The following SPATS2L variants were observed in gnomAD, a reference collection of about 807,000 sequenced individuals.
SPATS2L encodes the protein SPATS2-like protein.
SPATS2L carries 30 observed loss-of-function variants against 59.6 expected under a neutral mutation model. The ratio of observed to expected loss-of-function variants is 0.50; its 90% CI spans 0.38 to 0.68. The LOEUF is 0.68. Ranked by LOEUF, SPATS2L falls within the 30% of genes least tolerant of loss-of-function variation. The pLI is 0.00. For synonymous variants in SPATS2L, 252 were observed against 263.5 expected (o/e 0.96, Z 0.42); for missense variants, 615 against 700.0 (o/e 0.88, Z 1.37).
At chr2:200,328,958 A>G (rs2079845854) in intron 1 of SPATS2L, among the ~76,000 whole-genome samples, 1 of 152,198 alleles carries the variant, frequency 6.6e-6, no homozygotes, top group Non-Finnish European at 1.5e-5. Context: ...ATTGCCAGCT[A>G]CATTTTCATG....
At chr2:200,396,047 T>A (rs1333181157) in intron 3 of SPATS2L, among the ~76,000 whole-genome samples, 83 of 69,792 alleles carry the variant, frequency 1.2e-3, no homozygotes, top group Non-Finnish European at 1.4e-3. Context: ...TATATATATA[T>A]ATATATATAT....
At chr2:200,354,790 A>AT (rs1372906416) in intron 2 of SPATS2L, among the ~76,000 whole-genome samples, 2 of 152,158 alleles carry the variant, frequency 1.3e-5, no homozygotes, top group African/African-American at 4.8e-5. Context: ...CTGTAGATGT[A>AT]TTTTAAAAGC....
At chr2:200,419,923 A>T (rs1188672247) in intron 6 of SPATS2L, among the ~76,000 whole-genome samples, 2 of 152,160 alleles carry the variant, frequency 1.3e-5, no homozygotes, top group African/African-American at 4.8e-5. Context: ...GAAATATTCT[A>T]TATAGACACA....
At chr2:200,336,150 A>G (rs1655812172) in intron 2 of SPATS2L, among the ~76,000 whole-genome samples, 1 of 152,246 alleles carries the variant, frequency 6.6e-6, no homozygotes, top group African/African-American at 2.4e-5. Flanking sequence ...AAAGCTTTGC[A>G]TGAACTTTTT....
chr2:200,332,714 A>T (rs1432638698), intron 2 of SPATS2L, among the ~76,000 whole-genome samples: 1 of 150,968 alleles, frequency 6.6e-6, no homozygotes, highest in Admixed American at 6.7e-5. Flanking sequence ...TGCCCAAAGA[A>T]TGAATTACTG....
rs77733798 is a variant in SPATS2L, at chr2:200,411,798, A to G, written c.40-513A>G. ...CTAAGATTACCATTTCAAAAATACA[A>G]TGCTCCACATTTTTGTATCTTTAAA... is the stretch of plus-strand genomic sequence containing the variant. On this transcript the variant is annotated intron_variant, in intron 3 of 12. Coordinates refer to ENST00000409140, the MANE Select transcript of SPATS2L (RefSeq NM_001100423.2). Among the ~76,000 whole-genome samples the G allele has an allele frequency of 5.1e-4, 78 of 152,326 alleles. No individual in the cohort carries two copies. In the East Asian group the frequency reaches 0.011, roughly 21 times the overall value.
At chr2:200,448,537 G>GTTT (rs534846616) in intron 8 of SPATS2L, among the ~76,000 whole-genome samples, 61 of 152,302 alleles carry the variant, frequency 4.0e-4, no homozygotes, top group African/African-American at 1.5e-3. Context: ...TTTGAATTGT[G>GTTT]TTTTTTAATG....
intron 8 of SPATS2L, among the ~76,000 whole-genome samples, chr2:200,453,117 G>C (rs772425100): frequency 6.6e-6 from 1 of 152,178 alleles, no homozygotes; most frequent in Non-Finnish European, 1.5e-5. Flanking sequence ...TTCTGGGGTA[G>C]ACTTCCAAGG....
chr2:200,381,039 T>C (rs1244123590), intron 2 of SPATS2L, among the ~76,000 whole-genome samples: 4 of 151,688 alleles, frequency 2.6e-5, no homozygotes, highest in Non-Finnish European at 5.9e-5. Context: ...AGATAAGGAG[T>C]AGCAAAGGAT....
chr2:200,457,415 C>T (rs1255057906), intron 8 of SPATS2L, among the ~76,000 whole-genome samples: 1 of 152,222 alleles, frequency 6.6e-6, no homozygotes, highest in Non-Finnish European at 1.5e-5. Flanking sequence ...GAACTTGTCA[C>T]ATTGGAGACC....
At chr2:200,382,793 C>G (rs2081865954) in intron 2 of SPATS2L, among the ~76,000 whole-genome samples, 1 of 152,170 alleles carries the variant, frequency 6.6e-6, no homozygotes, top group South Asian at 2.1e-4. Flanking sequence ...AAATGTATGT[C>G]AAGCACTTAG....
intron 2 of SPATS2L, among the ~76,000 whole-genome samples, chr2:200,370,467 C>G (rs1051314596): frequency 3.9e-5 from 6 of 152,060 alleles, no homozygotes; most frequent in Non-Finnish European, 8.8e-5. Context: ...ATAACAAACC[C>G]AGAGAGTGCC....
At chr2:200,380,360 C>A (rs992878697) in intron 2 of SPATS2L, among the ~76,000 whole-genome samples, 1 of 152,222 alleles carries the variant, frequency 6.6e-6, no homozygotes, top group Non-Finnish European at 1.5e-5. Context: ...CTGCCGTGTA[C>A]GTGCAGCATA....
intron 12 of SPATS2L, 54 bp from the exon 13 acceptor site, chr2:200,477,569 CTGATGTCTACTGG>C: frequency 3.0e-6 from 3 of 999,378 alleles, no homozygotes; most frequent in Non-Finnish European, 2.6e-6. Context: ...TTTGGTTTTC[CTGATGTCTACTGG>C]TGTCATCAGT....
chr2:200,460,085 G>GT (rs2086129553), intron 9 of SPATS2L, among the ~76,000 whole-genome samples: 1 of 152,154 alleles, frequency 6.6e-6, no homozygotes, highest in Non-Finnish European at 1.5e-5. Flanking sequence ...TACATAATAG[G>GT]TGTCAGTTGA....
intron 8 of SPATS2L, among the ~76,000 whole-genome samples, chr2:200,443,859 T>A (rs887654724): frequency 3.3e-5 from 5 of 152,176 alleles, no homozygotes; most frequent in African/African-American, 1.2e-4. Context: ...CGAAATGATC[T>A]CTCTTCCAAC....
At chr2:200,359,664 T>C (rs1168455596) in intron 2 of SPATS2L, among the ~76,000 whole-genome samples, 2 of 152,248 alleles carry the variant, frequency 1.3e-5, no homozygotes, top group Non-Finnish European at 2.9e-5. Flanking sequence ...AGAAGTCTTA[T>C]TTGGCATGCA....
Position 200,400,949 on chromosome 2 carries a change from T to C in SPATS2L, c.40-11362T>C, listed in dbSNP as rs956730322. Among the ~76,000 whole-genome samples, 5 of 152,344 alleles carry C rather than the reference T, an allele frequency of 3.3e-5. No individual in the cohort carries two copies. The East Asian group carries it at 9.6e-4, about 29-fold the overall frequency. ...ATTTTTCAAAGAGACAACAATAGTA[T>C]CTTCCCCCATTAAAAGATGGAGCCT... On this transcript the variant is annotated intron_variant, in intron 3 of 12. Transcript: ENST00000409140.
chr2:200,310,088 T>C (rs985067105), intron 1 of SPATS2L, among the ~76,000 whole-genome samples: 1 of 152,258 alleles, frequency 6.6e-6, no homozygotes, highest in Admixed American at 6.5e-5. Context: ...TACAAATCTT[T>C]GTCTCTAGTA....
Sources: gnomAD v4.1 joint callset for allele counts (sites outside exome capture counted in the v4.1 genomes callset) on GRCh38, gnomAD v4.1.1 for gene constraint, MANE v1.5 for transcripts, NCBI Gene and HGNC (gene_info 2026-07-23, HGNC 2026-07-21) for gene names.